Variants in TBX18 observed in about 807,000 individuals in gnomAD.
The protein encoded by TBX18 is T-box transcription factor 18.
Under a neutral mutation model 55.0 loss-of-function variants are expected in TBX18, and 21 were observed. That is an observed-to-expected ratio of 0.38 (90% CI 0.27 to 0.55). TBX18 has a LOEUF of 0.55. Ranked by LOEUF, TBX18 falls within the 20% of genes least tolerant of loss-of-function variation. TBX18 has a pLI of 0.73. For synonymous variants in TBX18, 342 were observed against 326.1 expected (o/e 1.05, Z -0.53); for missense variants, 840 against 799.6 (o/e 1.05, Z -0.61).
chr6:84,740,152 AG>A (rs2127872170), intron 6 of TBX18, among the ~76,000 whole-genome samples: 1 of 152,312 alleles, frequency 6.6e-6, no homozygotes, highest in East Asian at 1.9e-4. Flanking sequence ...GGATTGCCAA[AG>A]AAAAGAGCAG....
intron 1 of TBX18, 134 bp from the exon 2 acceptor site, chr6:84,762,882 T>C: frequency 1.2e-6 from 1 of 820,656 alleles, no homozygotes; most frequent in East Asian, 2.7e-5. Flanking sequence ...TGCCATCAGG[T>C]CCTCCTAAAG....
At position 84,734,313 on chromosome 6, in the gene TBX18, C is replaced by G. The variant is rs192152233; in HGVS notation, c.*2372G>C. ...TTACATTTAACACATGAAACATGAA[C>G]AGCAGGCCCATTTCTTTCTGCCATG... On this transcript the variant is annotated 3_prime_UTR_variant, in exon 8 of 8. Transcript: ENST00000369663. The G allele has an allele frequency of 6.6e-6, 1 of 152,134 alleles. No homozygotes were observed. The highest frequency in any genetic ancestry group is 1.5e-5 in the Non-Finnish European group (1 of 68,034). 9.4% of individuals were successfully genotyped at this position (152,134 alleles called of 1,614,324 possible).
Position 84,732,998 on chromosome 6 carries a change from T to TA in TBX18, c.*3686_*3687insT. On this transcript the variant is annotated 3_prime_UTR_variant, in exon 8 of 8. Coordinates refer to ENST00000369663, the MANE Select transcript of TBX18 (RefSeq NM_001080508.3). ...CCATTCCTTTCACACATAGCAAAAC[T>TA]GAGACATAAAGCAGCTAATTTTTTT... 1 of 152,082 alleles carries TA rather than the reference T, an allele frequency of 6.6e-6. No homozygotes were observed. Among genetic ancestry groups the TA allele is most frequent in the Non-Finnish European group, 1.5e-5 (1 of 67,988 alleles). 9.4% of individuals were successfully genotyped at this position (152,082 alleles called of 1,614,324 possible).
At chr6:84,749,750 T>G (rs1767292136) in intron 4 of TBX18, among the ~76,000 whole-genome samples, 1 of 152,060 alleles carries the variant, frequency 6.6e-6, no homozygotes, top group African/African-American at 2.4e-5. Flanking sequence ...ATTAGTGACT[T>G]ATGAAATCAA....
intron 1 of TBX18, chr6:84,763,081 G>A: frequency 4.5e-6 from 2 of 444,314 alleles, no homozygotes; most frequent in Admixed American, 7.7e-5. Context: ...CGGGGTCTGG[G>A]ACGCTTGCCC....
At chr6:84,753,647 T>C (rs1245370671) in intron 4 of TBX18, among the ~76,000 whole-genome samples, 1 of 152,184 alleles carries the variant, frequency 6.6e-6, no homozygotes, top group African/African-American at 2.4e-5. Context: ...AATTAGAAAG[T>C]CCTACTATAA....
At position 84,764,555 on chromosome 6, in the gene TBX18, A is replaced by G. The variant is rs1461256150; in HGVS notation, c.-374T>C. The G allele has an allele frequency of 5.2e-6, 1 of 193,134 alleles. No homozygotes were observed. Among genetic ancestry groups the G allele is most frequent in the Admixed American group, 6.1e-5 (1 of 16,360 alleles). The allele number at this position is 193,134 out of a possible 1,614,324, so 12.0% of individuals were successfully genotyped here. A position where few individuals can be genotyped will look rare whatever the true frequency, so the allele number is the denominator to read the frequency against. ...ACACAAATTAGGGATTGTAATTGAA[A>G]TTTGTTGCCTTGATCTGTCAGCACT... On this transcript the variant is annotated 5_prime_UTR_variant, in exon 1 of 8. Coordinates refer to ENST00000369663, the MANE Select transcript of TBX18 (RefSeq NM_001080508.3).
chr6:84,744,263 G>C lies in TBX18; in HGVS notation c.1002C>G (p.Asn334Lys). Reference sequence around the variant, plus strand: ...GAATGGTCTTCACTAAGGCCCACCTGTTGCGCCCGGAGTCTCGGAAGCCTT... The same window carrying C: ...GAATGGTCTTCACTAAGGCCCACCTCTTGCGCCCGGAGTCTCGGAAGCCTT... ...FAKGFRDSGRNRMGLEALVES... is the reference protein window; with the variant it reads ...FAKGFRDSGRKRMGLEALVES... The change falls in exon 6 of 8, where the codon AAC (asparagine) becomes AAG (lysine). Residue 334 changes from asparagine to lysine, a missense_variant and splice_region_variant. Asn to Lys is a moderately conservative substitution (Grantham distance 94). Coordinates refer to ENST00000369663, the MANE Select transcript of TBX18 (RefSeq NM_001080508.3). The C allele has an allele frequency of 1.9e-6, 3 of 1,612,138 alleles. No homozygotes were observed. Among genetic ancestry groups the C allele is most frequent in the Non-Finnish European group, 1.7e-6 (2 of 1,178,894 alleles).
At chr6:84,748,112 A>T in intron 4 of TBX18, 25 bp from the exon 5 acceptor site, 1 of 1,576,454 alleles carries the variant, frequency 6.3e-7, no homozygotes, top group South Asian at 1.2e-5. Flanking sequence ...GAAAAGCTGA[A>T]TTTATCAGAA....
chr6:84,754,206 G>A (rs746803653), intron 4 of TBX18, among the ~76,000 whole-genome samples: 2 of 152,164 alleles, frequency 1.3e-5, no homozygotes, highest in African/African-American at 2.4e-5. Flanking sequence ...GGGATTACAG[G>A]CATGAGCCAC....
Position 84,736,763 on chromosome 6 carries a change from A to T in TBX18, c.1746T>A (p.Gly582=), listed in dbSNP as rs138378336. 2.5e-6 allele frequency: 4 copies of T among 1,613,388 alleles called. No homozygotes were observed. Among genetic ancestry groups the T allele is most frequent in the Non-Finnish European group, 2.5e-6 (3 of 1,179,810 alleles). ...TCCTAGAGTCAAAGAAACTCTGCTG[A>T]CCCCCACTGCTAAGCAGGTGCACTC... ...VEGVHLLSSG[G]QQSFFDSRTL... The change falls in exon 8 of 8, where the codon GGT becomes GGA. Residue 582 remains glycine, a synonymous_variant. Transcript: ENST00000369663.
In TBX18 at chr6:84,747,852, G is replaced by C. The variant is rs1248227615; in HGVS notation, c.939+68C>G. 2.1e-6 allele frequency: 3 copies of C among 1,430,542 alleles called. No homozygotes were observed. The East Asian group carries it at 6.9e-5, about 33-fold the overall frequency. 88.6% of individuals were successfully genotyped at this position (1,430,542 alleles called of 1,614,324 possible). A position where few individuals can be genotyped will look rare whatever the true frequency, so the allele number is the denominator to read the frequency against. On this transcript the variant is annotated intron_variant, in intron 5 of 7. Coordinates refer to ENST00000369663, the MANE Select transcript of TBX18 (RefSeq NM_001080508.3). Reference sequence around the variant, plus strand: ...TAATTCATAATATTTAGAGTGAGAAGGATAGCTAACTTTCTCTCTTCACCT... The same window carrying C: ...TAATTCATAATATTTAGAGTGAGAACGATAGCTAACTTTCTCTCTTCACCT...
chr6:84,747,468 A>G (rs971849551), intron 5 of TBX18, among the ~76,000 whole-genome samples: 9 of 152,230 alleles, frequency 5.9e-5, no homozygotes, highest in Non-Finnish European at 8.8e-5. Flanking sequence ...CAATTAAAGC[A>G]TATCTTGAAA....
chr6:84,763,364 G>T (rs1767710601), intron 1 of TBX18: 1 of 457,364 alleles, frequency 2.2e-6, no homozygotes, highest in Non-Finnish European at 4.4e-6. Context: ...GCAAGCCCGC[G>T]GTCGCCGTCG....
chr6:84,746,038 T>C (rs1382540020), intron 5 of TBX18, among the ~76,000 whole-genome samples: 1 of 152,122 alleles, frequency 6.6e-6, no homozygotes, highest in Admixed American at 6.6e-5. Context: ...GCCAGGAAAC[T>C]AAAAAGTAAA....
chr6:84,739,698 A>C (rs1766996826), intron 6 of TBX18, among the ~76,000 whole-genome samples: 1 of 152,166 alleles, frequency 6.6e-6, no homozygotes, highest in African/African-American at 2.4e-5. Flanking sequence ...CCACCTCTGG[A>C]GTCCCTGCGC....
rs552120643 is a variant in TBX18, at chr6:84,756,216, T to C, written c.771+482A>G. On this transcript the variant is annotated intron_variant, in intron 4 of 7. Coordinates refer to ENST00000369663, the MANE Select transcript of TBX18 (RefSeq NM_001080508.3). Reference sequence around the variant, plus strand: ...AATAAAAGGAATGATTGTTGTAACATTTTGACACATTAGATGTCATTACAA... The same window carrying C: ...AATAAAAGGAATGATTGTTGTAACACTTTGACACATTAGATGTCATTACAA... Among the ~76,000 whole-genome samples, 60 of 152,342 alleles carry C rather than the reference T, an allele frequency of 3.9e-4. 1 individual carries two copies. The highest frequency in any genetic ancestry group is 1.3e-3 in the African/African-American group (56 of 41,576).
intron 4 of TBX18, among the ~76,000 whole-genome samples, chr6:84,751,691 C>T (rs1046463473): frequency 1.3e-5 from 2 of 152,200 alleles, no homozygotes; most frequent in Non-Finnish European, 2.9e-5. Flanking sequence ...ATGCTGCACA[C>T]TTGCACAGAT....
In TBX18 at chr6:84,762,719, C is replaced by G. The variant is rs1212646686; in HGVS notation, c.322G>C (p.Ala108Pro). Residue 108 changes from alanine to proline, a missense_variant, in exon 2 of 8, where the codon GCT (alanine) becomes CCT (proline). Transcript: ENST00000369663. Reference sequence around the variant, plus strand: ...CCTCCCGGTGACGCCAGAGGGGAAGCTCCCTGCTGGAAGCCGTCCTCACAG... The same window carrying G: ...CCTCCCGGTGACGCCAGAGGGGAAGGTCCCTGCTGGAAGCCGTCCTCACAG... ...GGCEDGFQQGASPLASPGGSP... is the reference protein window; with the variant it reads ...GGCEDGFQQGPSPLASPGGSP... 17 of 1,609,340 alleles carry G rather than the reference C, an allele frequency of 1.1e-5. No individual in the cohort carries two copies. Among genetic ancestry groups the G allele is most frequent in the Admixed American group, 5.1e-5 (3 of 59,374 alleles).
Sources: allele counts gnomAD v4.1 joint callset (sites outside exome capture counted in the v4.1 genomes callset), GRCh38; gene constraint gnomAD v4.1.1; transcripts MANE v1.5; gene names NCBI Gene and HGNC (gene_info 2026-07-23, HGNC 2026-07-21).